Variants in RALGPS1 observed in about 807,000 individuals in gnomAD.
RALGPS1 encodes the protein ras-specific guanine nucleotide-releasing factor RalGPS1.
Under a neutral mutation model 78.8 loss-of-function variants are expected in RALGPS1, and 19 were observed. The observed-to-expected ratio is 0.24, with a 90% CI of 0.17 to 0.35. The LOEUF is 0.35. Among genes scored for constraint, RALGPS1 ranks in the 10% least tolerant of loss-of-function variants. RALGPS1 has a pLI of 1.00. For synonymous variants in RALGPS1, 228 were observed against 256.3 expected (o/e 0.89, Z 1.06); for missense variants, 454 against 688.3 (o/e 0.66, Z 3.81).
chr9:127,000,472 T>C (rs887205342), intron 4 of RALGPS1, among the ~76,000 whole-genome samples: 1 of 151,774 alleles, frequency 6.6e-6, no homozygotes, highest in Non-Finnish European at 1.5e-5. Flanking sequence ...AGATGTGTTA[T>C]TCAGTTTCCA....
chr9:126,975,849 G>A (rs964899501), intron 3 of RALGPS1, among the ~76,000 whole-genome samples: 2 of 152,130 alleles, frequency 1.3e-5, no homozygotes, highest in African/African-American at 4.8e-5. Flanking sequence ...CTCAGATTCC[G>A]CTCCAGTGCT....
intron 8 of RALGPS1, among the ~76,000 whole-genome samples, chr9:127,090,288 C>T (rs996046063): frequency 3.9e-5 from 6 of 152,246 alleles, no homozygotes; most frequent in African/African-American, 1.4e-4. Flanking sequence ...ACTTTCCGCT[C>T]CCTAAGGAGG....
intron 8 of RALGPS1, among the ~76,000 whole-genome samples, chr9:127,076,863 A>G (rs2050724750): frequency 6.6e-6 from 1 of 152,254 alleles, no homozygotes; most frequent in Non-Finnish European, 1.5e-5. Flanking sequence ...GGAGGGAAGT[A>G]GAGTCCTGAA....
At chr9:127,162,446 T>C (rs1176559434) in intron 8 of RALGPS1, among the ~76,000 whole-genome samples, 1 of 152,220 alleles carries the variant, frequency 6.6e-6, no homozygotes, top group East Asian at 1.9e-4. Context: ...TTTCTGTGGA[T>C]TTGTGCAGCG....
At chr9:127,054,611 C>T (rs1488027480) in intron 7 of RALGPS1, among the ~76,000 whole-genome samples, 1 of 152,140 alleles carries the variant, frequency 6.6e-6, no homozygotes. Context: ...CAGGACCACT[C>T]TGTTTGGCTT....
At chr9:127,004,301 A>G (rs1417742118) in intron 4 of RALGPS1, among the ~76,000 whole-genome samples, 1 of 152,072 alleles carries the variant, frequency 6.6e-6, no homozygotes, top group Non-Finnish European at 1.5e-5. Context: ...ACCCGCCACC[A>G]CACCCGGCCA....
At chr9:127,088,873 C>T in intron 8 of RALGPS1, 1 of 1,581,322 alleles carries the variant, frequency 6.3e-7, no homozygotes. Context: ...GTTCTTTGTG[C>T]TGTGGCCAGC....
At chr9:126,987,145 A>G (rs559523662) in intron 4 of RALGPS1, among the ~76,000 whole-genome samples, 1 of 152,260 alleles carries the variant, frequency 6.6e-6, no homozygotes, top group African/African-American at 2.4e-5. Flanking sequence ...AGAGCATGGT[A>G]CCTGGGATCC....
intron 4 of RALGPS1, chr9:127,016,976 G>A (rs1355088593): frequency 6.6e-6 from 1 of 152,070 alleles, no homozygotes; most frequent in African/African-American, 2.4e-5. Context: ...TTGAGCATTT[G>A]AAATGTCATT....
chr9:127,138,149 G>A (rs971333661), intron 8 of RALGPS1, among the ~76,000 whole-genome samples: 5 of 152,172 alleles, frequency 3.3e-5, no homozygotes, highest in Admixed American at 1.3e-4. Context: ...CCCGGGTAGC[G>A]AACATGTGTT....
At chr9:127,147,992 G>A (rs1160392802) in intron 8 of RALGPS1, among the ~76,000 whole-genome samples, 1 of 152,238 alleles carries the variant, frequency 6.6e-6, no homozygotes. Flanking sequence ...AACTTACAGT[G>A]AAGTCTGTAA....
rs1230129989 is a variant in RALGPS1 at position 126,914,965 on chromosome 9, C to T, written c.-76C>T. ...GAGGAAGCGGCGGCAGCCACTGCGGCCCGCGTCAAGGTGACCGGCCGGGAC... is the reference window on the plus strand; with the variant it reads ...GAGGAAGCGGCGGCAGCCACTGCGGTCCGCGTCAAGGTGACCGGCCGGGAC... On this transcript the variant is annotated 5_prime_UTR_variant, in exon 1 of 19. Transcript: ENST00000259351. 6.6e-6 allele frequency: 1 copy of T among 151,386 alleles called. No homozygotes were observed. The highest frequency in any genetic ancestry group is 2.4e-5 in the African/African-American group (1 of 41,256). The allele number at this position is 151,386 out of a possible 1,614,324, so 9.4% of individuals were successfully genotyped here.
At chr9:126,985,218 G>A (rs1216744768) in intron 4 of RALGPS1, among the ~76,000 whole-genome samples, 2 of 152,048 alleles carry the variant, frequency 1.3e-5, no homozygotes, top group Non-Finnish European at 2.9e-5. Context: ...ATGATGTATC[G>A]GTAACTGTTG....
chr9:127,121,638 C>G (rs191433332), intron 8 of RALGPS1, among the ~76,000 whole-genome samples: 120 of 152,308 alleles, frequency 7.9e-4, no homozygotes, highest in African/African-American at 2.8e-3. Flanking sequence ...CCCCTGCTGT[C>G]CCCTTGCGGG....
intron 5 of RALGPS1, among the ~76,000 whole-genome samples, chr9:127,049,760 C>T (rs549055255): frequency 2.0e-5 from 3 of 152,318 alleles, no homozygotes; most frequent in Admixed American, 6.5e-5. Context: ...TCTCGAGACT[C>T]GTGTCACGGA....
intron 11 of RALGPS1, among the ~76,000 whole-genome samples, chr9:127,190,380 G>A (rs867582344): frequency 2.0e-5 from 3 of 152,276 alleles, no homozygotes; most frequent in Middle Eastern, 6.8e-3. Flanking sequence ...CTGGAGTGCA[G>A]TGGCATGATA....
At chr9:127,004,658 T>A (rs1430984736) in intron 4 of RALGPS1, among the ~76,000 whole-genome samples, 1 of 152,224 alleles carries the variant, frequency 6.6e-6, no homozygotes, top group Non-Finnish European at 1.5e-5. Context: ...ATTATACACA[T>A]CTTTTTGTGT....
intron 4 of RALGPS1, among the ~76,000 whole-genome samples, chr9:127,000,998 G>A (rs968473555): frequency 2.0e-5 from 3 of 151,830 alleles, no homozygotes; most frequent in South Asian, 4.2e-4. Context: ...GTTCAGGCCA[G>A]GCGTGGTGGC....
chr9:127,132,632 G>A (rs1426911345), intron 8 of RALGPS1, among the ~76,000 whole-genome samples: 3 of 152,232 alleles, frequency 2.0e-5, no homozygotes, highest in Non-Finnish European at 2.9e-5. Context: ...GTGCAGCACC[G>A]GGTACTAGAG....
Sources: gnomAD v4.1 joint callset for allele counts (sites outside exome capture counted in the v4.1 genomes callset) on GRCh38, gnomAD v4.1.1 for gene constraint, MANE v1.5 for transcripts, NCBI Gene and HGNC (gene_info 2026-07-23, HGNC 2026-07-21) for gene names.